Variants in COL4A1 observed in about 807,000 individuals in gnomAD.
COL4A1 encodes the protein collagen type IV alpha 1 chain, also known as collagen alpha-1(IV) chain.
In COL4A1, 40 loss-of-function variants were observed where a neutral mutation model predicts 216.6. The observed-to-expected ratio is 0.18, with a 90% confidence interval of 0.14 to 0.24. COL4A1 has a LOEUF of 0.24. Among genes scored for constraint, COL4A1 ranks in the 10% least tolerant of loss-of-function variants. The pLI is 1.00. For synonymous variants in COL4A1, 839 were observed against 810.7 expected (o/e 1.03, Z -0.59); for missense variants, 1,628 against 2,196.8 (o/e 0.74, Z 5.18).
rs1566419239 is a variant in COL4A1, at chr13:110,253,808, TAATTATAC to T, written c.85-11082_85-11075del. Among the ~76,000 whole-genome samples, 9 of 140,942 alleles carry T rather than the reference TAATTATAC, an allele frequency of 6.4e-5. 1 individual carries two copies. Among genetic ancestry groups the T allele is most frequent in the East Asian group, 2.1e-4 (1 of 4,830 alleles). 92.5% of individuals were successfully genotyped at this position (140,942 alleles called of 152,430 possible). ...ACGTATAATTATACGTATATATGTATAATTATACGTATGTATGTATTATATATACGTAT... is the reference window on the plus strand; with the variant it reads ...ACGTATAATTATACGTATATATGTATGTATGTATGTATTATATATACGTAT... On this transcript the variant is annotated intron_variant, in intron 1 of 51. Transcript: ENST00000375820.
intron 49 of COL4A1, among the ~76,000 whole-genome samples, chr13:110,159,136 A>G (rs1241496631): frequency 3.3e-5 from 5 of 152,182 alleles, no homozygotes; most frequent in Admixed American, 2.0e-4. Context: ...CTTACTTCCT[A>G]TCAGGGAGGC....
At chr13:110,203,011 G>A (rs933514254) in intron 18 of COL4A1, among the ~76,000 whole-genome samples, 22 of 152,046 alleles carry the variant, frequency 1.4e-4, no homozygotes, top group African/African-American at 4.6e-4. Context: ...TCAGGAGTTC[G>A]AGACCAGCTT....
At chr13:110,258,010 C>G (rs1882654132) in intron 1 of COL4A1, among the ~76,000 whole-genome samples, 1 of 152,196 alleles carries the variant, frequency 6.6e-6, no homozygotes, top group Admixed American at 6.5e-5. Context: ...GCCCTCGTTT[C>G]TTTCTTTTCT....
At chr13:110,241,267 A>G (rs1336311900) in intron 2 of COL4A1, among the ~76,000 whole-genome samples, 2 of 152,222 alleles carry the variant, frequency 1.3e-5, no homozygotes, top group African/African-American at 4.8e-5. Context: ...GCTGGACAGA[A>G]GCAAATGGAA....
intron 49 of COL4A1, among the ~76,000 whole-genome samples, chr13:110,160,156 T>C (rs1398581170): frequency 2.0e-5 from 3 of 149,016 alleles, no homozygotes; most frequent in Admixed American, 6.7e-5. Flanking sequence ...AAAAAATTCA[T>C]AGGGGGCCGG....
chr13:110,169,889 C>A, intron 42 of COL4A1, 127 bp from the exon 43 acceptor site: 2 of 1,173,926 alleles, frequency 1.7e-6, no homozygotes, highest in South Asian at 1.2e-5. Context: ...AGTGACAACC[C>A]TTGAGACAGA....
intron 1 of COL4A1, among the ~76,000 whole-genome samples, chr13:110,281,113 A>T (rs745835684): frequency 3.3e-5 from 5 of 152,136 alleles, no homozygotes; most frequent in Non-Finnish European, 7.4e-5. Flanking sequence ...ACTCAACAAC[A>T]TCTTTGACAC....
At chr13:110,261,186 G>A (rs1287507033) in intron 1 of COL4A1, among the ~76,000 whole-genome samples, 1 of 152,180 alleles carries the variant, frequency 6.6e-6, no homozygotes, top group Non-Finnish European at 1.5e-5. Flanking sequence ...CCACAGGAGA[G>A]GACAAGAGGC....
chr13:110,251,252 C>T (rs1471547089), intron 1 of COL4A1, among the ~76,000 whole-genome samples: 2 of 152,240 alleles, frequency 1.3e-5, no homozygotes, highest in East Asian at 3.9e-4. Flanking sequence ...GCCACCCTGG[C>T]CTGCACCGGC....
intron 1 of COL4A1, among the ~76,000 whole-genome samples, chr13:110,292,233 G>C (rs1047946003): frequency 5.3e-5 from 8 of 152,078 alleles, no homozygotes; most frequent in African/African-American, 1.7e-4. Context: ...TGCTACCAAG[G>C]CCCTCTAGAC....
intron 10 of COL4A1, 67 bp downstream of exon 10, chr13:110,209,913 T>A (rs779600944): frequency 6.5e-7 from 1 of 1,544,488 alleles, no homozygotes; most frequent in Non-Finnish European, 9.0e-7. Context: ...AATTATTATT[T>A]ATTTTCAAAC....
At chr13:110,304,145 T>G (rs1389161454) in intron 1 of COL4A1, among the ~76,000 whole-genome samples, 1 of 152,136 alleles carries the variant, frequency 6.6e-6, no homozygotes, top group Admixed American at 6.5e-5. Context: ...TCCAATTCCA[T>G]CTATTAATAT....
rs754248236 is a variant in COL4A1 at position 110,181,409 on chromosome 13, A to C, written c.2096-20T>G. ...CAACACCTGTTTTAAAGAGTCAAAA[A>C]AAAAAAACAAACAAACAATCATTGC... On this transcript the variant is annotated intron_variant, in intron 28 of 51. Coordinates refer to ENST00000375820, the MANE Select transcript of COL4A1 (RefSeq NM_001845.6). The C allele has an allele frequency of 1.1e-5, 17 of 1,591,276 alleles. No individual in the cohort carries two copies. The Admixed American group carries it at 1.7e-4, about 16-fold the overall frequency.
intron 1 of COL4A1, among the ~76,000 whole-genome samples, chr13:110,299,747 C>A (rs1010668174): frequency 6.6e-6 from 1 of 152,204 alleles, no homozygotes; most frequent in African/African-American, 2.4e-5. Context: ...CTTTGAGAAA[C>A]AGACTTTTCT....
At chr13:110,266,564 G>A (rs766676047) in intron 1 of COL4A1, among the ~76,000 whole-genome samples, 2 of 152,188 alleles carry the variant, frequency 1.3e-5, no homozygotes, top group Admixed American at 6.5e-5. Context: ...AGTATACGTC[G>A]CGGAGACCAG....
Position 110,211,711 on chromosome 13 carries a change from CA to C in COL4A1, c.442-39del, listed in dbSNP as rs1216924397. Reference sequence around the variant, plus strand: ...GTTTTGGTGTTAGTTTTGTTTTTCTCAAAATATCATTAGCATTAAAATTGTT... The same window carrying C: ...GTTTTGGTGTTAGTTTTGTTTTTCTCAAATATCATTAGCATTAAAATTGTT... On this transcript the variant is annotated intron_variant, in intron 7 of 51. Coordinates refer to ENST00000375820, the MANE Select transcript of COL4A1 (RefSeq NM_001845.6). The surrounding 1 kb of genome is among the most constrained non-coding windows in gnomAD (Gnocchi z 4.3). 4.4e-6 allele frequency: 7 copies of C among 1,596,738 alleles called. No individual in the cohort carries two copies. The highest frequency in any genetic ancestry group is 6.0e-6 in the Non-Finnish European group (7 of 1,168,930).
intron 1 of COL4A1, among the ~76,000 whole-genome samples, chr13:110,262,962 A>C (rs562979467): frequency 1.3e-5 from 2 of 152,200 alleles, no homozygotes; most frequent in Non-Finnish European, 2.9e-5. Flanking sequence ...GGAGCTCCTG[A>C]GTGTGTGGAC....
intron 15 of COL4A1, 61 bp downstream of exon 15, chr13:110,206,604 T>C: frequency 6.4e-7 from 1 of 1,563,054 alleles, no homozygotes; most frequent in Non-Finnish European, 8.8e-7. Context: ...TCTGTGAATC[T>C]GCGATTTTCC....
At chr13:110,303,820 C>T (rs1418563354) in intron 1 of COL4A1, among the ~76,000 whole-genome samples, 1 of 152,200 alleles carries the variant, frequency 6.6e-6, no homozygotes, top group African/African-American at 2.4e-5. Context: ...TGCCGCATGG[C>T]CAGCACCTGG....
Sources: gnomAD v4.1 joint callset for allele counts (sites outside exome capture counted in the v4.1 genomes callset) on GRCh38, gnomAD v4.1.1 for gene constraint, Gnocchi (gnomAD v3.1) non-coding constraint, MANE v1.5 for transcripts, NCBI Gene and HGNC (gene_info 2026-07-23, HGNC 2026-07-21) for gene names.